Variants in ADORA1 observed in about 807,000 individuals in gnomAD.
ADORA1 encodes adenosine A1 receptor, also known as adenosine receptor A1.
In ADORA1, 6 loss-of-function variants were observed where a neutral mutation model predicts 19.9. That is an observed-to-expected ratio of 0.30 (90% CI 0.17 to 0.59). The LOEUF (loss-of-function observed/expected upper bound fraction) is 0.59. ADORA1 is among the 20% of genes least tolerant of loss of function. ADORA1 has a pLI of 0.87. For missense variants in ADORA1, 302 were observed against 439.2 expected (o/e 0.69, Z 2.79); for synonymous variants, 194 against 188.4 (o/e 1.03, Z -0.24).
Position 203,157,663 on chromosome 1 carries a change from C to A in ADORA1, c.342-7598C>A, listed in dbSNP as rs570498768. On this transcript the variant is annotated intron_variant, in intron 3 of 3. Coordinates refer to ENST00000337894, the MANE Select transcript of ADORA1 (RefSeq NM_000674.3). ...GGCTGTCCATGATATCCTTTGAAAT[C>A]TAATTGGAGGCTGGCATGACCCCAT... Among the ~76,000 whole-genome samples the A allele has an allele frequency of 7.2e-5, 11 of 152,350 alleles. No individual in the cohort carries two copies. In the South Asian group the frequency reaches 1.2e-3, roughly 17 times the overall value.
intron 3 of ADORA1, among the ~76,000 whole-genome samples, chr1:203,137,364 C>G (rs2102740131): frequency 6.6e-6 from 1 of 152,192 alleles, no homozygotes; most frequent in Non-Finnish European, 1.5e-5. Flanking sequence ...GTCACTGGCC[C>G]AGGTACAGCA....
chr1:203,160,704 A>G (rs1387731385), intron 3 of ADORA1, among the ~76,000 whole-genome samples: 1 of 152,110 alleles, frequency 6.6e-6, no homozygotes, highest in Non-Finnish European at 1.5e-5. Context: ...CCAGCTACTC[A>G]GGAGGCTGAG....
At chr1:203,149,039 G>A (rs1654950091) in intron 3 of ADORA1, among the ~76,000 whole-genome samples, 1 of 152,040 alleles carries the variant, frequency 6.6e-6, no homozygotes, top group Non-Finnish European at 1.5e-5. Context: ...CACCAAGACT[G>A]GCTAATATTT....
intron 3 of ADORA1, among the ~76,000 whole-genome samples, chr1:203,146,849 G>A (rs754927067): frequency 2.0e-5 from 3 of 152,222 alleles, no homozygotes; most frequent in Non-Finnish European, 2.9e-5. Flanking sequence ...GCTACCTCAG[G>A]AGGTGTTGCT....
At chr1:203,155,194 A>AT (rs1334734446) in intron 3 of ADORA1, among the ~76,000 whole-genome samples, 1 of 152,084 alleles carries the variant, frequency 6.6e-6, no homozygotes, top group African/African-American at 2.4e-5. Flanking sequence ...GGTACCCGCC[A>AT]TCACACCCAG....
chr1:203,144,005 G>A (rs1367125368), intron 3 of ADORA1, among the ~76,000 whole-genome samples: 3 of 150,514 alleles, frequency 2.0e-5, no homozygotes, highest in African/African-American at 7.4e-5. Flanking sequence ...CTTGTCTCCC[G>A]GTCAGTCTCT....
At chr1:203,127,982 G>C (rs1558124303) in intron 1 of ADORA1, 54 bp downstream of exon 1, 1 of 191,770 alleles carries the variant, frequency 5.2e-6, no homozygotes, top group Non-Finnish European at 1.1e-5. Flanking sequence ...GTGCAGGAGA[G>C]GGTTGAAAGA....
chr1:203,132,215 A>G lies in ADORA1; in HGVS notation c.341+3033A>G, dbSNP rs567062180. Among the ~76,000 whole-genome samples, 16 of 152,188 alleles carry G rather than the reference A, an allele frequency of 1.1e-4. No individual in the cohort carries two copies. In the South Asian group the frequency reaches 3.3e-3, roughly 32 times the overall value. Reference sequence around the variant, plus strand: ...CCCCATGCTTGGTAATTGAAGCCCTATTCCCCTCAGCTCCTGGTTCTAGGG... The same window carrying G: ...CCCCATGCTTGGTAATTGAAGCCCTGTTCCCCTCAGCTCCTGGTTCTAGGG... On this transcript the variant is annotated intron_variant, in intron 3 of 3. Coordinates refer to ENST00000337894, the MANE Select transcript of ADORA1 (RefSeq NM_000674.3).
intron 3 of ADORA1, among the ~76,000 whole-genome samples, chr1:203,129,958 T>A (rs1259486149): frequency 6.6e-6 from 1 of 152,244 alleles, no homozygotes; most frequent in Non-Finnish European, 1.5e-5. Context: ...GTCCAGCCCA[T>A]GTTGGAGCTC....
intron 3 of ADORA1, chr1:203,164,949 A>G: frequency 2.3e-6 from 3 of 1,291,712 alleles, no homozygotes; most frequent in Non-Finnish European, 2.2e-6. Flanking sequence ...TGCTGAGCAC[A>G]TGGGAGCAAT....
chr1:203,129,014 T>G lies in ADORA1; in HGVS notation c.173T>G (p.Val58Gly), dbSNP rs1213420903. The change falls in exon 3 of 4, where the codon GTG (valine) becomes GGG (glycine). Residue 58 changes from valine (V) to glycine (G), a missense_variant. Physicochemically the swap from Val to Gly is moderately radical, Grantham distance 109 (BLOSUM62 -3). Transcript: ENST00000337894. ...TCGCTGGCGGTGGCTGATGTGGCCG[T>G]GGGTGCCCTGGTCATCCCCCTCGCC... ...IVSLAVADVAVGALVIPLAIL... is the reference protein window; with the variant it reads ...IVSLAVADVAGGALVIPLAIL... 1 of 1,614,142 alleles carries G rather than the reference T, an allele frequency of 6.2e-7. No individual in the cohort carries two copies. Among genetic ancestry groups the G allele is most frequent in the Admixed American group, 1.7e-5 (1 of 60,026 alleles).
chr1:203,129,862 T>C (rs1654277860), intron 3 of ADORA1, among the ~76,000 whole-genome samples: 1 of 152,118 alleles, frequency 6.6e-6, no homozygotes, highest in African/African-American at 2.4e-5. Flanking sequence ...CAAAACCACC[T>C]CTTTGCTGGT....
chr1:203,133,116 CTT>C (rs1244047119), intron 3 of ADORA1, among the ~76,000 whole-genome samples: 14 of 140,860 alleles, frequency 9.9e-5, no homozygotes, highest in Admixed American at 1.4e-4. Flanking sequence ...ATAGACAATT[CTT>C]TTTTTTTTTT....
chr1:203,150,753 A>G, intron 3 of ADORA1: 1 of 1,289,274 alleles, frequency 7.8e-7, no homozygotes, highest in South Asian at 1.2e-5. Context: ...GTGGGGGTGG[A>G]CTCTTTCTTT....
At chr1:203,160,845 A>G (rs1429579328) in intron 3 of ADORA1, among the ~76,000 whole-genome samples, 2 of 152,206 alleles carry the variant, frequency 1.3e-5, no homozygotes, top group Non-Finnish European at 2.9e-5. Context: ...TGCCCAGCAC[A>G]TAGAAATAAA....
chr1:203,151,485 A>G (rs2102755381), intron 3 of ADORA1, among the ~76,000 whole-genome samples: 1 of 152,328 alleles, frequency 6.6e-6, no homozygotes, highest in Non-Finnish European at 1.5e-5. Flanking sequence ...TTGTTTATCT[A>G]TGTCCTTGCA....
chr1:203,150,534 G>A, intron 3 of ADORA1: 1 of 1,164,100 alleles, frequency 8.6e-7, no homozygotes. Flanking sequence ...GGGTCCTGGG[G>A]TCCTTCCTGC....
At chr1:203,140,266 G>A (rs1654638865) in intron 3 of ADORA1, among the ~76,000 whole-genome samples, 1 of 152,148 alleles carries the variant, frequency 6.6e-6, no homozygotes, top group African/African-American at 2.4e-5. Flanking sequence ...GCTTGAGGCA[G>A]GCAGGGAGTG....
intron 3 of ADORA1, among the ~76,000 whole-genome samples, chr1:203,147,659 G>A (rs967059619): frequency 2.0e-5 from 3 of 152,158 alleles, no homozygotes; most frequent in South Asian, 2.1e-4. Context: ...GACCCCAGAC[G>A]ATTCATATGC....
Sources: allele counts gnomAD v4.1 joint callset (sites outside exome capture counted in the v4.1 genomes callset), GRCh38; gene constraint gnomAD v4.1.1; transcripts MANE v1.5; gene names NCBI Gene and HGNC (gene_info 2026-07-23, HGNC 2026-07-21).